TMCC1: variants seen among roughly 807,000 people sequenced by gnomAD.
TMCC1 encodes transmembrane and coiled-coil domain family 1, also known as transmembrane and coiled-coil domains protein 1.
In TMCC1, 15 loss-of-function variants were observed where a neutral mutation model predicts 52.4. That is an observed-to-expected ratio of 0.29 (90% CI 0.19 to 0.44). TMCC1 has a LOEUF of 0.44. TMCC1 is among the 20% of genes least tolerant of loss of function. The probability of loss-of-function intolerance (pLI) is 1.00; values close to 1 mark genes in which losing one functional copy is unlikely to be tolerated. For synonymous variants in TMCC1, 279 were observed against 301.9 expected (o/e 0.92, Z 0.79); for missense variants, 503 against 806.0 (o/e 0.62, Z 4.55).
intron 4 of TMCC1, among the ~76,000 whole-genome samples, chr3:129,689,477 T>C (rs933544119): frequency 8.5e-5 from 13 of 152,230 alleles, no homozygotes; most frequent in African/African-American, 3.1e-4. Context: ...CTAATATTTC[T>C]CTGAGGTTAA....
chr3:129,750,125 G>A (rs954790568), intron 4 of TMCC1, among the ~76,000 whole-genome samples: 11 of 152,114 alleles, frequency 7.2e-5, no homozygotes, highest in African/African-American at 2.4e-4. Context: ...ACATAAAGGA[G>A]TTGTTTCTCT....
At chr3:129,861,685 C>T (rs2060405279) in intron 2 of TMCC1, among the ~76,000 whole-genome samples, 1 of 152,016 alleles carries the variant, frequency 6.6e-6, no homozygotes, top group Non-Finnish European at 1.5e-5. Context: ...CATTTCACAC[C>T]CACTAGGGTG....
intron 4 of TMCC1, among the ~76,000 whole-genome samples, chr3:129,805,160 T>C (rs2057394147): frequency 6.6e-6 from 1 of 152,044 alleles, no homozygotes; most frequent in Non-Finnish European, 1.5e-5. Flanking sequence ...TTTTTATTTA[T>C]TTATTTATTT....
chr3:129,783,399 G>C (rs1460852656), intron 4 of TMCC1, among the ~76,000 whole-genome samples: 1 of 152,092 alleles, frequency 6.6e-6, no homozygotes, highest in African/African-American at 2.4e-5. Context: ...TTAGAACACA[G>C]AAAACTTTCC....
intron 4 of TMCC1, among the ~76,000 whole-genome samples, chr3:129,805,232 A>G (rs1256828587): frequency 6.6e-6 from 1 of 152,052 alleles, no homozygotes; most frequent in Non-Finnish European, 1.5e-5. Context: ...ATACAATCTC[A>G]GTTCTCTGCA....
intron 4 of TMCC1, among the ~76,000 whole-genome samples, chr3:129,780,700 T>C (rs921778830): frequency 6.6e-6 from 1 of 152,128 alleles, no homozygotes; most frequent in Non-Finnish European, 1.5e-5. Context: ...TGAGTCTTCC[T>C]TCATGTCCTT....
At chr3:129,876,364 A>G (rs1050702154) in intron 2 of TMCC1, among the ~76,000 whole-genome samples, 3 of 151,932 alleles carry the variant, frequency 2.0e-5, no homozygotes, top group African/African-American at 4.8e-5. Flanking sequence ...CAAAGACTAT[A>G]TTTAAAGTGC....
intron 2 of TMCC1, among the ~76,000 whole-genome samples, chr3:129,861,834 A>G (rs7652182): frequency 0.14 from 22,042 of 152,194 alleles, 2,400 homozygotes; most frequent in East Asian, 0.57. Flanking sequence ...TAAACATAAA[A>G]GAGTTACCAT....
intron 4 of TMCC1, chr3:129,819,848 C>T (rs527936921): frequency 1.3e-5 from 2 of 151,928 alleles, no homozygotes; most frequent in African/African-American, 4.8e-5. Flanking sequence ...GAAGATGACA[C>T]AAAAACTCGT....
intron 4 of TMCC1, among the ~76,000 whole-genome samples, chr3:129,736,007 T>G (rs1333988505): frequency 1.3e-5 from 2 of 152,236 alleles, no homozygotes; most frequent in African/African-American, 4.8e-5. Context: ...TCTGTAGACC[T>G]TAAGTAATGT....
At chr3:129,822,536 C>G (rs995597135) in intron 4 of TMCC1, among the ~76,000 whole-genome samples, 1 of 152,220 alleles carries the variant, frequency 6.6e-6, no homozygotes, top group Non-Finnish European at 1.5e-5. Context: ...ACAAGCTGAT[C>G]TAGCAACCAA....
intron 4 of TMCC1, chr3:129,819,838 G>C (rs545578802): frequency 6.6e-6 from 1 of 152,050 alleles, no homozygotes; most frequent in Non-Finnish European, 1.5e-5. Context: ...GGCTTCTGAA[G>C]AAGATGACAC....
intron 4 of TMCC1, chr3:129,819,084 CTTTCTTTT>C (rs1188708515): frequency 2.6e-5 from 4 of 152,358 alleles, no homozygotes; most frequent in Non-Finnish European, 5.9e-5. Context: ...CTTTTTCTTT[CTTTCTTTT>C]TTTCTTTTGA....
intron 4 of TMCC1, among the ~76,000 whole-genome samples, chr3:129,768,161 C>T (rs1456209255): frequency 6.6e-6 from 1 of 152,172 alleles, no homozygotes; most frequent in Non-Finnish European, 1.5e-5. Context: ...TGTATGACTG[C>T]ACCACTGTAC....
chr3:129,865,146 C>T (rs1458890441), intron 2 of TMCC1, among the ~76,000 whole-genome samples: 1 of 152,086 alleles, frequency 6.6e-6, no homozygotes, highest in African/African-American at 2.4e-5. Flanking sequence ...TAGCCTCTTA[C>T]ACTCCCAAAC....
chr3:129,685,141 G>A (rs1254352978), intron 4 of TMCC1, among the ~76,000 whole-genome samples: 1 of 152,150 alleles, frequency 6.6e-6, no homozygotes, highest in Non-Finnish European at 1.5e-5. Context: ...CACTTTGGAA[G>A]GCAGACACAG....
chr3:129,826,903 C>G (rs114473243), intron 4 of TMCC1, among the ~76,000 whole-genome samples: 1 of 152,124 alleles, frequency 6.6e-6, no homozygotes, highest in East Asian at 1.9e-4. Flanking sequence ...CAAGGCAGAC[C>G]TAGCCCACAA....
At chr3:129,778,213 T>C (rs1266559992) in intron 4 of TMCC1, among the ~76,000 whole-genome samples, 2 of 152,206 alleles carry the variant, frequency 1.3e-5, no homozygotes, top group African/African-American at 4.8e-5. Flanking sequence ...ATGTTCTAAA[T>C]GCAAAATACA....
intron 4 of TMCC1, among the ~76,000 whole-genome samples, chr3:129,811,534 C>T (rs1183601380): frequency 2.0e-5 from 3 of 152,142 alleles, no homozygotes; most frequent in Non-Finnish European, 4.4e-5. Flanking sequence ...TCCCAAAGTG[C>T]TGGGATTAGG....
Sources: allele counts gnomAD v4.1 joint callset (sites outside exome capture counted in the v4.1 genomes callset), GRCh38; gene constraint gnomAD v4.1.1; transcripts MANE v1.5; gene names NCBI Gene and HGNC (gene_info 2026-07-23, HGNC 2026-07-21).